The following MALRD1 variants were observed in gnomAD, a reference collection of about 807,000 sequenced individuals.
MALRD1 encodes the protein MAM and LDL receptor class A domain containing 1.
A neutral mutation model predicts 242.1 loss-of-function variants in MALRD1; 247 were observed. The ratio of observed to expected loss-of-function variants is 1.02; its 90% CI spans 0.92 to 1.13. The LOEUF is 1.13. MALRD1 is among the 50% of genes most tolerant of loss of function. MALRD1 has a pLI of 0.00. For missense variants in MALRD1, 2,989 were observed against 2,533.1 expected (o/e 1.18, Z -3.86); for synonymous variants, 995 against 866.6 (o/e 1.15, Z -2.60).
chr10:19,087,206 A>C (rs1178453896), intron 2 of MALRD1, among the ~76,000 whole-genome samples: 1 of 152,070 alleles, frequency 6.6e-6, no homozygotes, highest in Non-Finnish European at 1.5e-5. Flanking sequence ...AAAAGTCTTC[A>C]TCGAATTGCT....
chr10:19,699,640 C>T (rs1281094113), intron 38 of MALRD1, among the ~76,000 whole-genome samples: 1 of 152,080 alleles, frequency 6.6e-6, no homozygotes, highest in African/African-American at 2.4e-5. Flanking sequence ...GCTCATAGTT[C>T]TGCAGGCTAT....
chr10:19,394,282 G>C (rs1846478816), intron 28 of MALRD1, among the ~76,000 whole-genome samples: 1 of 152,156 alleles, frequency 6.6e-6, no homozygotes, highest in Non-Finnish European at 1.5e-5. Context: ...GATGAAGGAA[G>C]TAAGAGTAAG....
chr10:19,627,373 A>G (rs1019174240), intron 36 of MALRD1, among the ~76,000 whole-genome samples: 3 of 152,088 alleles, frequency 2.0e-5, no homozygotes, highest in Non-Finnish European at 4.4e-5. Context: ...GCTTAAAAGT[A>G]TTCAGTGTGG....
intron 29 of MALRD1, among the ~76,000 whole-genome samples, chr10:19,464,704 G>T (rs1444439084): frequency 6.6e-6 from 1 of 152,070 alleles, no homozygotes; most frequent in African/African-American, 2.4e-5. Context: ...GCTCTTTTCT[G>T]TTCCATATGA....
At position 19,205,065 on chromosome 10, in the gene MALRD1, A is replaced by G; in HGVS notation, c.2378A>G (p.Asp793Gly). Reference sequence around the variant, plus strand: ...TCGCAGCCCTTCCATTTGTCACTAGATAAAGTCAGTCTGGGCATTTATGAT... The same window carrying G: ...TCGCAGCCCTTCCATTTGTCACTAGGTAAAGTCAGTCTGGGCATTTATGAT... ...RLSQPFHLSL[D>G]KVSLGIYDGV... Residue 793 changes from aspartate (D) to glycine (G), a missense_variant, in exon 17 of 40, where the codon GAT becomes GGT. By Grantham distance (94) the Asp-to-Gly change is moderately conservative. Transcript: ENST00000454679. 7.1e-6 allele frequency: 11 copies of G among 1,550,756 alleles called. No individual in the cohort carries two copies. Among genetic ancestry groups the G allele is most frequent in the Non-Finnish European group, 8.7e-6 (10 of 1,147,028 alleles).
chr10:19,472,754 A>G (rs1248839884), intron 29 of MALRD1, among the ~76,000 whole-genome samples: 1 of 151,782 alleles, frequency 6.6e-6, no homozygotes, highest in African/African-American at 2.4e-5. Context: ...AATGTCATTT[A>G]TAATATTATT....
intron 33 of MALRD1, among the ~76,000 whole-genome samples, chr10:19,589,647 C>A (rs1019703616): frequency 6.6e-6 from 1 of 152,090 alleles, no homozygotes; most frequent in African/African-American, 2.4e-5. Context: ...AAACAAACAA[C>A]CCTAAGATAT....
intron 1 of MALRD1, 131 bp from the exon 2 acceptor site, chr10:19,066,588 T>G (rs991068932): frequency 2.9e-6 from 2 of 689,778 alleles, no homozygotes; most frequent in Non-Finnish European, 4.0e-6. Context: ...TAAAGTAGAC[T>G]TAGACTTATA....
Position 19,155,164 on chromosome 10 carries a change from C to T in MALRD1, c.1648C>T (p.Pro550Ser). ...TACAAAATTGCTCACTGCCTCTACC[C>T]CATGTCAGGTAATCAACTGTTCTGA... ...VLTKLLTAST[P>S]CQVQFWYHLS... is the part of the protein sequence containing the mutation. The change falls in exon 12 of 40, where the codon CCA becomes TCA. Residue 550 changes from proline to serine, a missense_variant. Coordinates refer to ENST00000454679, the MANE Select transcript of MALRD1 (RefSeq NM_001142308.3). The T allele has an allele frequency of 8.1e-7, 1 of 1,231,028 alleles. No homozygotes were observed. The highest frequency in any genetic ancestry group is 1.0e-6 in the Non-Finnish European group (1 of 987,426). The allele number at this position is 1,231,028 out of a possible 1,614,324, so 76.3% of individuals were successfully genotyped here. A position where few individuals can be genotyped will look rare whatever the true frequency, so the allele number is the denominator to read the frequency against.
At chr10:19,429,600 T>G (rs1176653134) in intron 28 of MALRD1, among the ~76,000 whole-genome samples, 3 of 151,980 alleles carry the variant, frequency 2.0e-5, no homozygotes, top group Non-Finnish European at 4.4e-5. Flanking sequence ...AGTCACTTGG[T>G]ACTCAGAGCC....
chr10:19,708,787 G>C lies in MALRD1; in HGVS notation c.6314+16233G>C, dbSNP rs1236218730. ...AGCGATTCTCCTGCCTCAGCCTCCC[G>C]AGTACCTGGGACTACAGGCGCACGC... is the stretch of plus-strand genomic sequence containing the variant. On this transcript the variant is annotated intron_variant, in intron 38 of 39. Transcript: ENST00000454679. Among the ~76,000 whole-genome samples, 4 of 121,858 alleles carry C rather than the reference G, an allele frequency of 3.3e-5. 1 individual carries two copies. The highest frequency in any genetic ancestry group is 7.5e-5 in the Non-Finnish European group (4 of 53,064). The allele number at this position is 121,858 out of a possible 152,430, so 79.9% of individuals were successfully genotyped here.
At chr10:19,343,421 G>A (rs11009524) in intron 24 of MALRD1, among the ~76,000 whole-genome samples, 83,424 of 151,822 alleles carry the variant, frequency 0.55, 23,160 homozygotes, top group Middle Eastern at 0.59. Flanking sequence ...ATAAATTTGT[G>A]TAAAGCATCA....
chr10:19,386,281 C>G (rs942047622), intron 26 of MALRD1, among the ~76,000 whole-genome samples: 2 of 152,092 alleles, frequency 1.3e-5, no homozygotes, highest in Non-Finnish European at 1.5e-5. Flanking sequence ...CATCCCCTAC[C>G]TCTGACCCAC....
chr10:19,141,638 C>G (rs1037097983), intron 10 of MALRD1, among the ~76,000 whole-genome samples: 1 of 151,850 alleles, frequency 6.6e-6, no homozygotes, highest in African/African-American at 2.4e-5. Flanking sequence ...ATCTACTTCA[C>G]TGTGTTCCAG....
chr10:19,157,724 G>A (rs1455632426), intron 12 of MALRD1, among the ~76,000 whole-genome samples: 1 of 152,018 alleles, frequency 6.6e-6, no homozygotes, highest in Non-Finnish European at 1.5e-5. Flanking sequence ...ACCAGTGTGG[G>A]GTACTTTGAT....
chr10:19,047,250 A>G (rs1349896337), upstream of MALRD1, among the ~76,000 whole-genome samples: 8 of 152,170 alleles, frequency 5.3e-5, no homozygotes, highest in African/African-American at 1.9e-4. Context: ...ATTGGACAGA[A>G]GAAGGTACCA....
At chr10:19,487,411 G>A (rs1420741013) in intron 29 of MALRD1, among the ~76,000 whole-genome samples, 2 of 148,732 alleles carry the variant, frequency 1.3e-5, no homozygotes, top group African/African-American at 5.0e-5. Flanking sequence ...TCTAGTCATT[G>A]TTCAGTTTAC....
At chr10:19,239,719 A>G (rs1838673214) in intron 18 of MALRD1, among the ~76,000 whole-genome samples, 1 of 152,130 alleles carries the variant, frequency 6.6e-6, no homozygotes, top group African/African-American at 2.4e-5. Context: ...CCACATGTAG[A>G]TATCCAATCT....
chr10:19,321,801 T>A (rs369036477), intron 21 of MALRD1, among the ~76,000 whole-genome samples: 59 of 152,258 alleles, frequency 3.9e-4, no homozygotes, highest in African/African-American at 1.2e-3. Flanking sequence ...CCTGGTATCC[T>A]ATGTCAATTA....
Sources: gnomAD v4.1 joint callset for allele counts (sites outside exome capture counted in the v4.1 genomes callset) on GRCh38, gnomAD v4.1.1 for gene constraint, MANE v1.5 for transcripts, NCBI Gene and HGNC (gene_info 2026-07-23, HGNC 2026-07-21) for gene names.